The following IL1RAP variants were observed in gnomAD, a reference collection of about 807,000 sequenced individuals.
IL1RAP encodes interleukin 1 receptor accessory protein, also known as interleukin-1 receptor accessory protein.
Under a neutral mutation model 60.7 loss-of-function variants are expected in IL1RAP, and 35 were observed. That is an observed-to-expected ratio of 0.58 (90% CI 0.44 to 0.76). IL1RAP has a LOEUF of 0.76. IL1RAP is among the 30% of genes least tolerant of loss of function. The probability of loss-of-function intolerance (pLI) is 0.00; values close to 1 mark genes in which losing one functional copy is unlikely to be tolerated. For missense variants in IL1RAP, 572 were observed against 693.9 expected, an observed-to-expected ratio of 0.82 and a Z score of 1.97; for synonymous variants, 268 against 250.9, an observed-to-expected ratio of 1.07 and a Z score of -0.64.
chr3:190,526,936 C>T (rs1472241887), intron 1 of IL1RAP, among the ~76,000 whole-genome samples: 2 of 152,234 alleles, frequency 1.3e-5, no homozygotes, highest in African/African-American at 2.4e-5. Context: ...CTGAAAGGCC[C>T]TCTTATAGGA....
intron 3 of IL1RAP, among the ~76,000 whole-genome samples, chr3:190,593,721 C>A (rs1729141180): frequency 1.3e-5 from 2 of 152,074 alleles, no homozygotes; most frequent in Admixed American, 6.6e-5. Context: ...CCCCATGATT[C>A]AATTACCTCC....
At chr3:190,598,121 T>G (rs1300749350) in intron 3 of IL1RAP, among the ~76,000 whole-genome samples, 1 of 152,204 alleles carries the variant, frequency 6.6e-6, no homozygotes, top group Non-Finnish European at 1.5e-5. Context: ...ATAGGAAAGA[T>G]ACTAATTTCC....
chr3:190,526,285 T>C (rs1722506811), intron 1 of IL1RAP, among the ~76,000 whole-genome samples: 1 of 152,238 alleles, frequency 6.6e-6, no homozygotes, highest in South Asian at 2.1e-4. Context: ...AGACCCGGAA[T>C]CACAGAGTTG....
intron 2 of IL1RAP, among the ~76,000 whole-genome samples, chr3:190,561,606 G>T (rs1236322618): frequency 6.6e-6 from 1 of 152,158 alleles, no homozygotes; most frequent in Non-Finnish European, 1.5e-5. Flanking sequence ...GGAAAATCTA[G>T]AGGTATGTGG....
intron 9 of IL1RAP, among the ~76,000 whole-genome samples, chr3:190,641,997 ACTG>A (rs371541527): frequency 1.3e-5 from 2 of 152,298 alleles, no homozygotes; most frequent in African/African-American, 2.4e-5. Flanking sequence ...ATAATTTTGC[ACTG>A]CTAAGTCCCA....
chr3:190,631,738 C>A (rs531666963), intron 9 of IL1RAP, among the ~76,000 whole-genome samples: 1 of 152,102 alleles, frequency 6.6e-6, no homozygotes, highest in African/African-American at 2.4e-5. Flanking sequence ...TCATTATAGT[C>A]AGTTAAAGCT....
chr3:190,634,809 G>A (rs59210205), intron 9 of IL1RAP, among the ~76,000 whole-genome samples: 17,380 of 149,940 alleles, frequency 0.12, 1,141 homozygotes, highest in South Asian at 0.19. Flanking sequence ...TCGGCCTCCC[G>A]GGTTCACGCC....
chr3:190,606,544 T>C (rs1730345061), intron 4 of IL1RAP, among the ~76,000 whole-genome samples: 1 of 152,254 alleles, frequency 6.6e-6, no homozygotes, highest in Non-Finnish European at 1.5e-5. Context: ...ACTTTTTCCT[T>C]AATTACTTAC....
intron 3 of IL1RAP, among the ~76,000 whole-genome samples, chr3:190,596,992 T>C (rs138916109): frequency 2.8e-4 from 43 of 152,212 alleles, no homozygotes; most frequent in African/African-American, 1.0e-3. Context: ...TGGGCAAATA[T>C]CCCAAAGAAA....
intron 9 of IL1RAP, among the ~76,000 whole-genome samples, chr3:190,641,559 T>C (rs1312596270): frequency 6.6e-6 from 1 of 152,172 alleles, no homozygotes; most frequent in Non-Finnish European, 1.5e-5. Context: ...AATGACTGTA[T>C]GACACAAAAC....
chr3:190,598,812 A>G (rs1235607752), intron 3 of IL1RAP, among the ~76,000 whole-genome samples: 1 of 152,038 alleles, frequency 6.6e-6, no homozygotes, highest in Non-Finnish European at 1.5e-5. Flanking sequence ...TCTCACTGAA[A>G]CTGCTATCCC....
At chr3:190,536,160 A>G (rs995745597) in intron 1 of IL1RAP, among the ~76,000 whole-genome samples, 3 of 152,126 alleles carry the variant, frequency 2.0e-5, no homozygotes, top group African/African-American at 2.4e-5. Flanking sequence ...TGCCATCAAC[A>G]TGCCTCCTTA....
rs750161003 is a variant in IL1RAP, at chr3:190,604,335, G to T, written c.272G>T (p.Arg91Leu). The T allele has an allele frequency of 1.2e-6, 2 of 1,613,856 alleles. No individual in the cohort carries two copies. Among genetic ancestry groups the T allele is most frequent in the Admixed American group, 3.3e-5 (2 of 59,980 alleles). The change falls in exon 4 of 12, where the codon CGC becomes CTC. Residue 91 changes from arginine to leucine, a missense_variant. Coordinates refer to ENST00000447382, the MANE Select transcript of IL1RAP (RefSeq NM_002182.4). ...EPINFRLPEN[R>L]ISKEKDVLWF... ...ATTAACTTCCGCCTCCCCGAGAACC[G>T]CATTAGTAAGGAGAAAGATGTGCTG...
At chr3:190,537,245 G>A (rs1357623827) in intron 1 of IL1RAP, among the ~76,000 whole-genome samples, 1 of 152,066 alleles carries the variant, frequency 6.6e-6, no homozygotes, top group Non-Finnish European at 1.5e-5. Context: ...AATGTTGGCA[G>A]GGAGGCAGTG....
At chr3:190,613,301 G>C (rs567810600) in intron 5 of IL1RAP, among the ~76,000 whole-genome samples, 20 of 152,280 alleles carry the variant, frequency 1.3e-4, no homozygotes, top group African/African-American at 4.8e-4. Flanking sequence ...TAATGGGTTA[G>C]GTAATGCCAT....
At chr3:190,563,930 A>AGG (rs1276460801) in intron 2 of IL1RAP, 1 of 189,798 alleles carries the variant, frequency 5.3e-6, no homozygotes, top group Non-Finnish European at 1.1e-5. Context: ...AGTGAAAAAG[A>AGG]GAGTTGTGGA....
chr3:190,564,601 C>A (rs1205020710), intron 3 of IL1RAP: 1 of 471,744 alleles, frequency 2.1e-6, no homozygotes, highest in Non-Finnish European at 3.9e-6. Flanking sequence ...AGGTATTTTT[C>A]ATTACCTTCA....
intron 3 of IL1RAP, among the ~76,000 whole-genome samples, chr3:190,588,167 G>A (rs528362372): frequency 8.6e-4 from 131 of 152,294 alleles, no homozygotes; most frequent in African/African-American, 3.1e-3. Flanking sequence ...AGGCTGGAGT[G>A]CAGTGGTGCA....
chr3:190,625,357 G>A (rs1362715078), intron 7 of IL1RAP, among the ~76,000 whole-genome samples: 1 of 152,140 alleles, frequency 6.6e-6, no homozygotes, highest in Non-Finnish European at 1.5e-5. Flanking sequence ...AACATTAAAT[G>A]TTTATCTAGA....
Sources: gnomAD v4.1 joint callset for allele counts (sites outside exome capture counted in the v4.1 genomes callset) on GRCh38, gnomAD v4.1.1 for gene constraint, MANE v1.5 for transcripts, NCBI Gene and HGNC (gene_info 2026-07-23, HGNC 2026-07-21) for gene names.